TENM2: variants seen among roughly 807,000 people sequenced by gnomAD.
TENM2 encodes teneurin transmembrane protein 2.
In TENM2, 52 loss-of-function variants were observed where a neutral mutation model predicts 245.2. The ratio of observed to expected loss-of-function variants is 0.21; its 90% confidence interval spans 0.17 to 0.27. TENM2 has a LOEUF of 0.27. TENM2 is among the 10% of genes least tolerant of loss of function. The pLI, the probability that TENM2 is intolerant of heterozygous loss-of-function variation, is 1.00. For missense variants in TENM2, 3,046 were observed against 3,666.8 expected, an observed-to-expected ratio of 0.83 and a Z score of 4.37; for synonymous variants, 1,363 against 1,438.9, an observed-to-expected ratio of 0.95 and a Z score of 1.19.
the TENM2 span, among the ~76,000 whole-genome samples, chr5:167,226,123 T>C: frequency 2.0e-5 from 3 of 151,920 alleles, no homozygotes; most frequent in South Asian, 6.2e-4. Context: ...TTTTTGATCA[T>C]TTGTATTGAT....
At chr5:168,112,607 G>GGGT (rs1554199697) in intron 9 of TENM2, among the ~76,000 whole-genome samples, 1 of 27,500 alleles carries the variant, frequency 3.6e-5, no homozygotes, top group East Asian at 1.0e-3. Context: ...TGCAGTGGGC[G>GGGT]GGGGGGGGGT....
At chr5:167,245,346 A>G in the TENM2 span, among the ~76,000 whole-genome samples, 1 of 152,136 alleles carries the variant, frequency 6.6e-6, no homozygotes, top group Non-Finnish European at 1.5e-5. Flanking sequence ...GTGGCATAGT[A>G]TTTTAGTTCC....
At chr5:167,297,216 A>G (rs1754993150) in intron 1 of TENM2, among the ~76,000 whole-genome samples, 1 of 152,196 alleles carries the variant, frequency 6.6e-6, no homozygotes, top group South Asian at 2.1e-4. Flanking sequence ...GAAGCTCATA[A>G]TAGAGTCTTT....
chr5:168,209,189 A>G (rs1038738632), intron 19 of TENM2, among the ~76,000 whole-genome samples: 3 of 152,256 alleles, frequency 2.0e-5, no homozygotes, highest in Admixed American at 2.0e-4. Context: ...GGTGATGTGT[A>G]AATCATTAGA....
intron 3 of TENM2, among the ~76,000 whole-genome samples, chr5:167,921,732 T>C (rs901399260): frequency 2.0e-5 from 3 of 152,148 alleles, no homozygotes; most frequent in East Asian, 1.9e-4. Context: ...AGAAATTATA[T>C]TAATAATAAA....
intron 2 of TENM2, among the ~76,000 whole-genome samples, chr5:167,686,105 A>G (rs1168304718): frequency 2.0e-5 from 3 of 152,210 alleles, no homozygotes; most frequent in Non-Finnish European, 4.4e-5. Flanking sequence ...ACACATAATA[A>G]GACAGCGTGT....
intron 5 of TENM2, among the ~76,000 whole-genome samples, chr5:168,023,301 G>A (rs1581087258): frequency 6.6e-6 from 1 of 152,228 alleles, no homozygotes; most frequent in East Asian, 1.9e-4. Flanking sequence ...TGATGGTACA[G>A]CTGCAGCATT....
chr5:167,894,982 GA>G lies in TENM2; in HGVS notation c.712+18789del, dbSNP rs879591931. On this transcript the variant is annotated intron_variant, in intron 3 of 28. Coordinates refer to ENST00000518659, the Ensembl canonical transcript of TENM2. ...GGAAGGAAGGAAGGAAGGAAGGAAG[GA>G]AGGAAGGAGGGAAGGAAGGAAGGAA... 2.1e-3 allele frequency among the ~76,000 whole-genome samples: 267 copies of G among 128,042 alleles called. 1 individual carries two copies. The highest frequency in any genetic ancestry group is 3.9e-3 in the East Asian group (14 of 3,598). 84.0% of individuals were successfully genotyped at this position (128,042 alleles called of 152,430 possible). A position where few individuals can be genotyped will look rare whatever the true frequency, so the allele number is the denominator to read the frequency against.
At chr5:167,100,529 G>A in the TENM2 span, among the ~76,000 whole-genome samples, 2 of 152,224 alleles carry the variant, frequency 1.3e-5, no homozygotes, top group African/African-American at 4.8e-5. Context: ...AGACTGAGAA[G>A]GTCCTCCACA....
chr5:167,520,827 C>A (rs943494278), intron 2 of TENM2, among the ~76,000 whole-genome samples: 1 of 151,630 alleles, frequency 6.6e-6, no homozygotes, highest in African/African-American at 2.4e-5. Context: ...CTCAATTGGG[C>A]CTTTCACTTT....
intron 2 of TENM2, among the ~76,000 whole-genome samples, chr5:167,702,961 C>T (rs114984839): frequency 6.6e-6 from 1 of 152,198 alleles, no homozygotes; most frequent in African/African-American, 2.4e-5. Context: ...CCACGCCCAG[C>T]CACTTTTTTA....
intron 4 of TENM2, among the ~76,000 whole-genome samples, chr5:167,989,805 A>G (rs1562021901): frequency 6.6e-6 from 1 of 152,200 alleles, no homozygotes; most frequent in Non-Finnish European, 1.5e-5. Context: ...AAGGAAGTCC[A>G]GGAGGGGTGG....
At chr5:168,262,510 G>A (rs1768296761) in exon 29 of TENM2, 1 of 1,556,572 alleles carries the variant, frequency 6.4e-7, no homozygotes, top group Non-Finnish European at 8.7e-7. Flanking sequence ...ACTCCACGCT[G>A]CTGCTCAGCA....
chr5:168,174,080 G>A (rs1237453138), intron 13 of TENM2, among the ~76,000 whole-genome samples: 1 of 152,138 alleles, frequency 6.6e-6, no homozygotes, highest in Non-Finnish European at 1.5e-5. Flanking sequence ...ATATTTGTTT[G>A]TGCCTCCCAT....
chr5:167,672,352 A>G (rs1756013353), intron 2 of TENM2, among the ~76,000 whole-genome samples: 1 of 152,050 alleles, frequency 6.6e-6, no homozygotes, highest in Non-Finnish European at 1.5e-5. Context: ...AAAAAGATAG[A>G]TTGATTAGAA....
chr5:167,934,270 A>T (rs749638340), intron 3 of TENM2, among the ~76,000 whole-genome samples: 1 of 152,208 alleles, frequency 6.6e-6, no homozygotes, highest in Non-Finnish European at 1.5e-5. Flanking sequence ...ACCATATCAC[A>T]TTAATTGTTT....
intron 7 of TENM2, among the ~76,000 whole-genome samples, chr5:168,067,399 C>T (rs547596535): frequency 6.6e-6 from 1 of 152,078 alleles, no homozygotes; most frequent in Non-Finnish European, 1.5e-5. Context: ...CATGATCATA[C>T]CAAATAAATG....
intron 3 of TENM2, among the ~76,000 whole-genome samples, chr5:167,906,124 A>G (rs895461898): frequency 2.6e-5 from 4 of 152,198 alleles, no homozygotes; most frequent in Admixed American, 6.5e-5. Flanking sequence ...GCCAGCCCCA[A>G]GATTTCCCAC....
At chr5:168,107,655 C>T (rs1347818004) in intron 9 of TENM2, among the ~76,000 whole-genome samples, 1 of 152,138 alleles carries the variant, frequency 6.6e-6, no homozygotes, top group African/African-American at 2.4e-5. Context: ...CTAAACTGCT[C>T]TCGCACTGTC....
Sources: gnomAD v4.1 joint callset for allele counts (sites outside exome capture counted in the v4.1 genomes callset) on GRCh38, gnomAD v4.1.1 for gene constraint, MANE v1.5 for transcripts, NCBI Gene and HGNC (gene_info 2026-07-23, HGNC 2026-07-21) for gene names.